The following ANKRD12 variants were observed in gnomAD, a reference collection of about 807,000 sequenced individuals.
The protein encoded by ANKRD12 is ankyrin repeat domain 12.
ANKRD12 carries 85 observed loss-of-function variants against 183.4 expected under a neutral mutation model. The observed-to-expected ratio is 0.46, with a 90% CI of 0.39 to 0.56. The LOEUF is 0.56. Among genes scored for constraint, ANKRD12 ranks in the 20% least tolerant of loss-of-function variants. ANKRD12 has a pLI of 0.00. For synonymous variants in ANKRD12, 914 were observed against 800.2 expected, an observed-to-expected ratio of 1.14 and a Z score of -2.40; for missense variants, 2,405 against 2,357.1, an observed-to-expected ratio of 1.02 and a Z score of -0.42.
At chr18:9,165,710 T>C (rs911408371) in intron 1 of ANKRD12, among the ~76,000 whole-genome samples, 5 of 152,098 alleles carry the variant, frequency 3.3e-5, no homozygotes, top group Non-Finnish European at 5.9e-5. Context: ...TTTATTTATT[T>C]TTATTTTTTT....
intron 8 of ANKRD12, among the ~76,000 whole-genome samples, chr18:9,238,381 C>T (rs2037467104): frequency 6.6e-6 from 1 of 152,208 alleles, no homozygotes; most frequent in South Asian, 2.1e-4. Flanking sequence ...AGACATTTCT[C>T]TTAAGCTTCA....
chr18:9,200,591 C>G (rs139827164), intron 3 of ANKRD12: 12 of 152,286 alleles, frequency 7.9e-5, no homozygotes, highest in Admixed American at 7.2e-4. Context: ...TGGAATCTGA[C>G]TAGTGTTGAC....
chr18:9,140,858 AAC>A (rs995139017), intron 1 of ANKRD12, among the ~76,000 whole-genome samples: 2 of 152,172 alleles, frequency 1.3e-5, no homozygotes, highest in African/African-American at 4.8e-5. Context: ...ATATTTGCTG[AAC>A]ACTTAGAATA....
chr18:9,149,186 G>A (rs1215917240), intron 1 of ANKRD12, among the ~76,000 whole-genome samples: 1 of 152,062 alleles, frequency 6.6e-6, no homozygotes, highest in Non-Finnish European at 1.5e-5. Flanking sequence ...TCTTTTTTCT[G>A]TTAAAAACTG....
At chr18:9,174,682 A>G (rs1293369924) in intron 1 of ANKRD12, among the ~76,000 whole-genome samples, 1 of 152,160 alleles carries the variant, frequency 6.6e-6, no homozygotes, top group Non-Finnish European at 1.5e-5. Flanking sequence ...GGGTCATGCC[A>G]TCCTCCTAAT....
At chr18:9,217,401 C>T (rs1385314947) in intron 7 of ANKRD12, among the ~76,000 whole-genome samples, 3 of 152,022 alleles carry the variant, frequency 2.0e-5, no homozygotes, top group African/African-American at 7.2e-5. Flanking sequence ...TAATACCTAT[C>T]TAAAATTGAT....
rs151255101 is a variant in ANKRD12 at position 9,281,075 on chromosome 18, T to C, written c.6138T>C (p.Phe2046=). ...TCAGCATTTACGAAATCCAGGAGTT[T>C]TATGTTCCCCTTGTTGATGTTAACG... ...KSISIYEIQE[F]YVPLVDVNDD... The change falls in exon 13 of 13, where the codon TTT becomes TTC. Residue 2046 remains phenylalanine (F), a synonymous_variant. Coordinates refer to ENST00000262126, the MANE Select transcript of ANKRD12 (RefSeq NM_015208.5). 8.7e-6 allele frequency: 14 copies of C among 1,613,986 alleles called. No individual in the cohort carries two copies. The highest frequency in any genetic ancestry group is 3.3e-4 in the Middle Eastern group (2 of 6,084).
intron 1 of ANKRD12, among the ~76,000 whole-genome samples, chr18:9,147,982 G>T (rs775271647): frequency 6.6e-6 from 1 of 152,168 alleles, no homozygotes; most frequent in Non-Finnish European, 1.5e-5. Context: ...CAGGGTTTTA[G>T]AATCCTTTTA....
chr18:9,239,530 C>G (rs1291501947), intron 8 of ANKRD12: 1 of 1,286,194 alleles, frequency 7.8e-7, no homozygotes, highest in Admixed American at 2.3e-5. Context: ...GGTCAAAGTC[C>G]CTCAAGGAAT....
chr18:9,183,729 C>A (rs2033859320), intron 2 of ANKRD12, among the ~76,000 whole-genome samples: 1 of 151,982 alleles, frequency 6.6e-6, no homozygotes, highest in African/African-American at 2.4e-5. Flanking sequence ...ACTTCTCGCC[C>A]CCCTTTTTTC....
intron 9 of ANKRD12, chr18:9,260,228 T>A (rs1284391596): frequency 6.6e-6 from 1 of 152,178 alleles, no homozygotes; most frequent in Admixed American, 6.5e-5. Context: ...ATTTATGTAA[T>A]CCAATTATAG....
chr18:9,280,175 GA>G (rs1276523853), intron 12 of ANKRD12, among the ~76,000 whole-genome samples: 1 of 152,164 alleles, frequency 6.6e-6, no homozygotes, highest in Non-Finnish European at 1.5e-5. Flanking sequence ...ATGGTTTGGG[GA>G]TGAAACTTTC....
At chr18:9,262,748 G>T (rs1394565920) in intron 9 of ANKRD12, among the ~76,000 whole-genome samples, 1 of 141,440 alleles carries the variant, frequency 7.1e-6, no homozygotes, top group Admixed American at 7.3e-5. Context: ...AAAGTGATGG[G>T]ATTACAGGCG....
chr18:9,267,298 C>T (rs1489855767), intron 10 of ANKRD12, among the ~76,000 whole-genome samples: 1 of 152,104 alleles, frequency 6.6e-6, no homozygotes, highest in Non-Finnish European at 1.5e-5. Context: ...AACTCTCCAC[C>T]CCAAATCAAC....
At chr18:9,264,980 C>T (rs1567993874) in intron 10 of ANKRD12, among the ~76,000 whole-genome samples, 1 of 152,256 alleles carries the variant, frequency 6.6e-6, no homozygotes, top group East Asian at 1.9e-4. Context: ...GAGATTATCT[C>T]CTGCGCCTGA....
At chr18:9,219,671 C>T (rs574539238) in intron 7 of ANKRD12, among the ~76,000 whole-genome samples, 9 of 151,238 alleles carry the variant, frequency 6.0e-5, no homozygotes, top group African/African-American at 1.9e-4. Flanking sequence ...CAGGTTGGCC[C>T]GTAGGTCATA....
chr18:9,283,065 T>C lies in ANKRD12; in HGVS notation c.*1939T>C, dbSNP rs758945896. 2.8e-4 allele frequency: 42 copies of C among 152,724 alleles called. No homozygotes were observed. Among genetic ancestry groups the C allele is most frequent in the African/African-American group, 9.4e-4 (39 of 41,584 alleles). The allele number at this position is 152,724 out of a possible 1,614,324, so 9.5% of individuals were successfully genotyped here. On this transcript the variant is annotated 3_prime_UTR_variant, in exon 13 of 13. Transcript: ENST00000262126. ...TTTATAAAAGCAATACTTTTTAATA[T>C]GAAAACTTACTGCAAAGTTTGTTTA...
intron 1 of ANKRD12, among the ~76,000 whole-genome samples, chr18:9,166,236 A>G (rs35774167): frequency 0.11 from 17,047 of 152,136 alleles, 1,112 homozygotes; most frequent in African/African-American, 0.17. Context: ...GTATATACCC[A>G]GTAATGGGAT....
At chr18:9,214,608 TAAGTGCTCCTAGTGATACTAG>T (rs2035990213) in intron 6 of ANKRD12, among the ~76,000 whole-genome samples, 1 of 152,140 alleles carries the variant, frequency 6.6e-6, no homozygotes, top group Non-Finnish European at 1.5e-5. Context: ...GGACCCATTT[TAAGTGCTCCTAGTGATACTAG>T]AAGTGCTCCT....
Sources: allele counts gnomAD v4.1 joint callset (sites outside exome capture counted in the v4.1 genomes callset), GRCh38; gene constraint gnomAD v4.1.1; transcripts MANE v1.5; gene names NCBI Gene and HGNC (gene_info 2026-07-23, HGNC 2026-07-21).